The following SH3KBP1 variants were observed in gnomAD, a reference collection of about 807,000 sequenced individuals.
The protein encoded by SH3KBP1 is SH3 domain-containing kinase-binding protein 1.
In SH3KBP1, 8 loss-of-function variants were observed where a neutral mutation model predicts 50.1. That is an observed-to-expected ratio of 0.16 (90% confidence interval 0.09 to 0.29). The LOEUF (loss-of-function observed/expected upper bound fraction) is 0.29. Ranked by LOEUF, SH3KBP1 falls within the 10% of genes least tolerant of loss-of-function variation. The pLI is 1.00. For synonymous variants in SH3KBP1, 227 were observed against 218.6 expected, an observed-to-expected ratio of 1.04 and a Z score of -0.34; for missense variants, 377 against 535.2, an observed-to-expected ratio of 0.70 and a Z score of 2.92.
At chrX:19,686,090 A>G (rs1383233062) in intron 5 of SH3KBP1, among the ~76,000 whole-genome samples, 1 of 111,607 alleles carries the variant, frequency 9.0e-6, no homozygotes. Flanking sequence ...TCTACGTTAC[A>G]CAGAGAGAGG....
At position 19,534,439 on chromosome X, in the gene SH3KBP1, C is replaced by G. The variant is rs2064661094; in HGVS notation, c.*1978G>C. ...CATCAACAATCCTACTCTGTATACA[C>G]ATTATATAAAACTATATAATTAGGG... On this transcript the variant is annotated 3_prime_UTR_variant, in exon 18 of 18. Coordinates refer to ENST00000397821, the MANE Select transcript of SH3KBP1 (RefSeq NM_031892.3). 8.7e-6 allele frequency: 1 copy of G among 114,543 alleles called. No individual in the cohort carries two copies. Among genetic ancestry groups the G allele is most frequent in the African/African-American group, 3.2e-5 (1 of 30,776 alleles). 9.4% of individuals were successfully genotyped at this position (114,543 alleles called of 1,213,427 possible).
At chrX:19,649,840 G>A (rs960565327) in intron 6 of SH3KBP1, among the ~76,000 whole-genome samples, 2 of 112,021 alleles carry the variant, frequency 1.8e-5, no homozygotes, top group Non-Finnish European at 3.8e-5. Flanking sequence ...TCGCTGGATT[G>A]GAGTCCAGGG....
intron 1 of SH3KBP1, among the ~76,000 whole-genome samples, chrX:19,843,008 C>CTTTTTTTTT (rs1208728077): frequency 1.5e-5 from 1 of 65,182 alleles, no homozygotes; most frequent in Non-Finnish European, 2.6e-5. Context: ...CGTGCATCAA[C>CTTTTTTTTT]TTTTTTTTTT....
chrX:19,542,229 GGGATTTGTGTGCTGCGTCTTTGTCCT>G (rs774652266), intron 15 of SH3KBP1, 36 bp from the exon 16 acceptor site: 3 of 1,132,086 alleles, frequency 2.6e-6, no homozygotes, highest in Non-Finnish European at 3.5e-6. Context: ...TTCAGGGCCG[GGGATTTGTGTGCTGCGTCTTTGTCCT>G]GGTTAGTCAA....
chrX:19,569,081 C>T lies in SH3KBP1; in HGVS notation c.1384+22G>A, dbSNP rs748323786. 2.5e-5 allele frequency: 29 copies of T among 1,180,577 alleles called. No individual in the cohort carries two copies. The South Asian group carries it at 5.0e-4, about 20-fold the overall frequency. On this transcript the variant is annotated intron_variant, in intron 13 of 17. Transcript: ENST00000397821. Reference sequence around the variant, plus strand: ...TCTTTACTAACTCTGCAAAGAGAAGCGAGAACACTGTCCTTACTCACCAAT... The same window carrying T: ...TCTTTACTAACTCTGCAAAGAGAAGTGAGAACACTGTCCTTACTCACCAAT...
intron 6 of SH3KBP1, among the ~76,000 whole-genome samples, chrX:19,664,014 G>T (rs2148496300): frequency 8.9e-6 from 1 of 112,074 alleles, no homozygotes; most frequent in Admixed American, 9.4e-5. Flanking sequence ...GCTTAAGCCT[G>T]GGAGGTCGAG....
intron 1 of SH3KBP1, among the ~76,000 whole-genome samples, chrX:19,853,479 G>A (rs191780176): frequency 6.3e-5 from 7 of 111,121 alleles, no homozygotes; most frequent in Admixed American, 5.7e-4. Context: ...CATAGGGCTG[G>A]GTACCTAAAG....
At position 19,542,188 on chromosome X, in the gene SH3KBP1, A is replaced by G. The variant is rs890959195; in HGVS notation, c.1629T>C (p.Ser543=). The stretch of plus-strand genomic sequence containing the variant: ...TGGGCGGCAGGGATGCTTTGTTGTC[A>G]GACACCTGTGACGAGGGAAGGCAGG... ...TSKTVTISQV[S]DNKASLPPKP... is the part of the protein sequence containing the mutation. Residue 543 remains serine, a synonymous_variant, in exon 16 of 18, where the codon TCT becomes TCC. Transcript: ENST00000397821. 3 of 1,175,097 alleles carry G rather than the reference A, an allele frequency of 2.6e-6. No homozygotes were observed. The highest frequency in any genetic ancestry group is 3.4e-6 in the Non-Finnish European group (3 of 877,022).
At chrX:19,870,952 G>C (rs1028669409) in intron 1 of SH3KBP1, among the ~76,000 whole-genome samples, 1 of 111,547 alleles carries the variant, frequency 9.0e-6, no homozygotes, top group East Asian at 2.8e-4. Context: ...GGCAAAGCAG[G>C]AATTATTGGG....
intron 2 of SH3KBP1, among the ~76,000 whole-genome samples, chrX:19,747,162 C>G (rs2064940876): frequency 8.9e-6 from 1 of 112,199 alleles, no homozygotes; most frequent in African/African-American, 3.2e-5. Flanking sequence ...AGAAAAAGTT[C>G]GCTGACCCCT....
chrX:19,849,949 G>A (rs2068462001), intron 1 of SH3KBP1, among the ~76,000 whole-genome samples: 1 of 111,217 alleles, frequency 9.0e-6, no homozygotes, highest in African/African-American at 3.3e-5. Context: ...CTCTACATGT[G>A]CAAGTAGAAG....
At chrX:19,812,665 CAAAAA>C (rs57012379) in intron 2 of SH3KBP1, among the ~76,000 whole-genome samples, 1 of 35,274 alleles carries the variant, frequency 2.8e-5, no homozygotes. Flanking sequence ...CCCGTCTCTA[CAAAAA>C]AAAAAAAAAA....
intron 5 of SH3KBP1, among the ~76,000 whole-genome samples, chrX:19,692,623 ACGTGTGTG>A (rs1428153411): frequency 3.1e-5 from 2 of 64,788 alleles, no homozygotes; most frequent in African/African-American, 1.2e-4. Flanking sequence ...ATATATACAT[ACGTGTGTG>A]TGTGTGTGTG....
chrX:19,575,446 T>C (rs1159385813), intron 12 of SH3KBP1, among the ~76,000 whole-genome samples: 1 of 110,006 alleles, frequency 9.1e-6, no homozygotes, highest in Admixed American at 9.7e-5. Context: ...CCTGAAGAAA[T>C]AGGAACTAAT....
At chrX:19,616,003 G>A (rs6629354) in intron 8 of SH3KBP1, among the ~76,000 whole-genome samples, 3,133 of 108,456 alleles carry the variant, frequency 0.029, 142 homozygotes, top group African/African-American at 0.099. Context: ...ATTGTTGAAC[G>A]TCTTTATACA....
At chrX:19,863,186 G>C (rs1242099779) in intron 1 of SH3KBP1, among the ~76,000 whole-genome samples, 1 of 111,395 alleles carries the variant, frequency 9.0e-6, no homozygotes, top group Non-Finnish European at 1.9e-5. Context: ...TTACAAAACA[G>C]ACTGCAGTGT....
chrX:19,852,636 GAAAA>G (rs760707711), intron 1 of SH3KBP1, among the ~76,000 whole-genome samples: 1,879 of 51,896 alleles, frequency 0.036, 49 homozygotes, highest in African/African-American at 0.1. Context: ...TAGCTGCACA[GAAAA>G]AAAAAAAAAA....
At chrX:19,548,400 A>T (rs926015258) in intron 14 of SH3KBP1, among the ~76,000 whole-genome samples, 3 of 110,976 alleles carry the variant, frequency 2.7e-5, no homozygotes, top group African/African-American at 9.9e-5. Context: ...CAAAATATAG[A>T]GATACTAAGA....
chrX:19,851,131 G>A (rs1379998084), intron 1 of SH3KBP1, among the ~76,000 whole-genome samples: 1 of 111,731 alleles, frequency 9.0e-6, no homozygotes, highest in Non-Finnish European at 1.9e-5. Flanking sequence ...TTTGCAGAAA[G>A]AGAAACATAA....
Sources: gnomAD v4.1 joint callset for allele counts (sites outside exome capture counted in the v4.1 genomes callset) on GRCh38, gnomAD v4.1.1 for gene constraint, MANE v1.5 for transcripts, NCBI Gene and HGNC (gene_info 2026-07-23, HGNC 2026-07-21) for gene names.